Variants in SLC10A7 observed in about 807,000 individuals in gnomAD.
SLC10A7 encodes the protein solute carrier family 10 member 7.
SLC10A7 carries 29 observed loss-of-function variants against 43.2 expected under a neutral mutation model. That is an observed-to-expected ratio of 0.67 (90% CI 0.50 to 0.92). The LOEUF (loss-of-function observed/expected upper bound fraction) is 0.92. Ranked by LOEUF, SLC10A7 falls within the 40% of genes least tolerant of loss-of-function variation. SLC10A7 has a pLI of 0.00. For missense variants in SLC10A7, 295 were observed against 403.2 expected (o/e 0.73, Z 2.30); for synonymous variants, 152 against 144.8 (o/e 1.05, Z -0.35).
chr4:146,343,688 G>A (rs940008488), intron 5 of SLC10A7, among the ~76,000 whole-genome samples: 2 of 151,928 alleles, frequency 1.3e-5, no homozygotes, highest in African/African-American at 4.8e-5. Context: ...CCTCTTCCCT[G>A]CAGGCACTTT....
At chr4:146,355,199 AC>A (rs1394044729) in intron 5 of SLC10A7, among the ~76,000 whole-genome samples, 36 of 151,962 alleles carry the variant, frequency 2.4e-4, no homozygotes, top group African/African-American at 8.0e-4. Context: ...CAAGAAAAAA[AC>A]AATCAACCCC....
At chr4:146,444,172 T>C (rs1245171093) in intron 4 of SLC10A7, among the ~76,000 whole-genome samples, 1 of 152,220 alleles carries the variant, frequency 6.6e-6, no homozygotes, top group Non-Finnish European at 1.5e-5. Context: ...TAAAAGGTTA[T>C]AAATAAATTA....
chr4:146,422,231 G>A (rs538423583), intron 5 of SLC10A7, among the ~76,000 whole-genome samples: 2 of 151,988 alleles, frequency 1.3e-5, no homozygotes, highest in Admixed American at 1.3e-4. Context: ...GGAGAATAAA[G>A]GTACAAAAAA....
chr4:146,493,613 A>C (rs1735646118), intron 4 of SLC10A7, among the ~76,000 whole-genome samples: 1 of 152,198 alleles, frequency 6.6e-6, no homozygotes, highest in South Asian at 2.1e-4. Flanking sequence ...TTTCAGAGAA[A>C]CATCCTATAA....
At chr4:146,404,632 A>T (rs910271823) in intron 5 of SLC10A7, among the ~76,000 whole-genome samples, 6 of 151,852 alleles carry the variant, frequency 4.0e-5, no homozygotes, top group African/African-American at 1.2e-4. Flanking sequence ...GCTTCTTTTT[A>T]AAAAAATTCT....
At chr4:146,322,976 T>A (rs1732838077) in intron 6 of SLC10A7, among the ~76,000 whole-genome samples, 1 of 152,346 alleles carries the variant, frequency 6.6e-6, no homozygotes, top group African/African-American at 2.4e-5. Context: ...TGGCCAGTGA[T>A]GATGAGCATT....
chr4:146,369,704 T>A (rs1206340249), intron 5 of SLC10A7, among the ~76,000 whole-genome samples: 1 of 152,230 alleles, frequency 6.6e-6, no homozygotes, highest in African/African-American at 2.4e-5. Flanking sequence ...TTACAGCGAA[T>A]GCTTTATTCC....
intron 4 of SLC10A7, among the ~76,000 whole-genome samples, chr4:146,457,718 C>T (rs1560927422): frequency 1.3e-5 from 2 of 151,826 alleles, no homozygotes; most frequent in Admixed American, 1.3e-4. Flanking sequence ...AGCATTATGT[C>T]CCCAAATATG....
chr4:146,307,268 C>A (rs1342571704), intron 6 of SLC10A7, among the ~76,000 whole-genome samples: 4 of 152,202 alleles, frequency 2.6e-5, no homozygotes, highest in African/African-American at 9.6e-5. Context: ...AGCTTCAACA[C>A]TGACCACTGG....
At chr4:146,400,243 G>C (rs1182644883) in intron 5 of SLC10A7, among the ~76,000 whole-genome samples, 1 of 152,190 alleles carries the variant, frequency 6.6e-6, no homozygotes, top group Non-Finnish European at 1.5e-5. Flanking sequence ...GGAAGATGGA[G>C]GTCACTGGTG....
chr4:146,519,252 TTATATAA>T (rs952786652), intron 1 of SLC10A7, among the ~76,000 whole-genome samples: 1 of 141,714 alleles, frequency 7.1e-6, no homozygotes, highest in Non-Finnish European at 1.5e-5. Context: ...ATAATATATT[TTATATAA>T]TATATAACAT....
chr4:146,300,301 C>T (rs1731075045), intron 7 of SLC10A7, among the ~76,000 whole-genome samples: 1 of 152,114 alleles, frequency 6.6e-6, no homozygotes. Context: ...CCCCATAGCA[C>T]TTTTGTGTGT....
At chr4:146,310,823 A>C (rs1731924339) in intron 6 of SLC10A7, among the ~76,000 whole-genome samples, 1 of 152,066 alleles carries the variant, frequency 6.6e-6, no homozygotes, top group African/African-American at 2.4e-5. Flanking sequence ...GTGTAGCTCC[A>C]AAGCCCTCAC....
At chr4:146,333,733 G>A (rs1486454182) in intron 5 of SLC10A7, among the ~76,000 whole-genome samples, 1 of 152,024 alleles carries the variant, frequency 6.6e-6, no homozygotes, top group African/African-American at 2.4e-5. Flanking sequence ...TCACTTCAAA[G>A]CAAGAGGAAG....
At chr4:146,379,896 C>T (rs1737479397) in intron 5 of SLC10A7, among the ~76,000 whole-genome samples, 1 of 151,768 alleles carries the variant, frequency 6.6e-6, no homozygotes, top group African/African-American at 2.4e-5. Flanking sequence ...AGAGTTCATT[C>T]AGTGATTCAT....
chr4:146,520,028 C>T lies in SLC10A7; in HGVS notation c.100+1590G>A, dbSNP rs531493316. Among the ~76,000 whole-genome samples the T allele has an allele frequency of 1.1e-4, 16 of 152,168 alleles. No individual in the cohort carries two copies. In the East Asian group the frequency reaches 2.7e-3, roughly 26 times the overall value. On this transcript the variant is annotated intron_variant, in intron 1 of 11. Coordinates refer to ENST00000335472, the MANE Select transcript of SLC10A7 (RefSeq NM_001029998.6). Reference sequence around the variant, plus strand: ...TCATACATGCCACTGCAGAAAAGCCCCACGGAAATGATTCAGCATTCAACA... The same window carrying T: ...TCATACATGCCACTGCAGAAAAGCCTCACGGAAATGATTCAGCATTCAACA...
chr4:146,428,805 AATC>A (rs1254537071), intron 5 of SLC10A7, among the ~76,000 whole-genome samples: 1 of 152,172 alleles, frequency 6.6e-6, no homozygotes, highest in Non-Finnish European at 1.5e-5. Context: ...CCAACAGTGA[AATC>A]ATTCTCTACA....
chr4:146,326,917 GACACACACACACACACAC>G (rs71640636), intron 5 of SLC10A7, among the ~76,000 whole-genome samples: 1,668 of 147,514 alleles, frequency 0.011, 53 homozygotes, highest in African/African-American at 0.039. Flanking sequence ...GAGAGGGACA[GACACACACACACACACAC>G]ACACACACAC....
At chr4:146,305,899 A>G (rs1465082891) in intron 7 of SLC10A7, 27 bp downstream of exon 7, 1 of 1,549,366 alleles carries the variant, frequency 6.5e-7, no homozygotes, top group South Asian at 1.2e-5. Flanking sequence ...CCATAAAGAA[A>G]AGATCAGATA....
Sources: gnomAD v4.1 joint callset for allele counts (sites outside exome capture counted in the v4.1 genomes callset) on GRCh38, gnomAD v4.1.1 for gene constraint, MANE v1.5 for transcripts, NCBI Gene and HGNC (gene_info 2026-07-23, HGNC 2026-07-21) for gene names.